The following FAM13A variants were observed in gnomAD, a reference collection of about 807,000 sequenced individuals.
FAM13A encodes the protein protein FAM13A.
A neutral mutation model predicts 129.6 loss-of-function variants in FAM13A; 76 were observed. That is an observed-to-expected ratio of 0.59 (90% confidence interval 0.49 to 0.71). The LOEUF is 0.71. Among genes scored for constraint, FAM13A ranks in the 30% least tolerant of loss-of-function variants. The pLI is 0.00. For synonymous variants in FAM13A, 443 were observed against 449.9 expected (o/e 0.98, Z 0.20); for missense variants, 1,108 against 1,249.3 (o/e 0.89, Z 1.70).
At chr4:88,814,196 A>T (rs1308511310) in intron 7 of FAM13A, among the ~76,000 whole-genome samples, 1 of 152,210 alleles carries the variant, frequency 6.6e-6, no homozygotes, top group Non-Finnish European at 1.5e-5. Flanking sequence ...GCTGAAGGCC[A>T]TAGAGGCAGT....
rs141803474 is a variant in FAM13A at position 88,991,152 on chromosome 4, T to C, written c.428-2A>G. On this transcript the variant is annotated splice_acceptor_variant, in intron 3 of 23. Transcript: ENST00000264344. LOFTEE classifies it high-confidence loss of function. ...TCTCCTGAACATCATTTCTGCCATC[T>C]GGAAAAAAAAAGAATAAAAATGTTC... The C allele has an allele frequency of 1.1e-3, 1,698 of 1,603,802 alleles. 10 individuals are homozygous for C. The highest frequency in any genetic ancestry group is 6.0e-4 in the Non-Finnish European group (703 of 1,175,418).
intron 7 of FAM13A, among the ~76,000 whole-genome samples, chr4:88,845,206 T>C (rs925467016): frequency 2.2e-4 from 33 of 151,254 alleles, no homozygotes; most frequent in Non-Finnish European, 4.4e-4. Context: ...TGACAAGGCT[T>C]GGTGACTGAT....
chr4:89,049,658 C>T (rs979040157), intron 1 of FAM13A, among the ~76,000 whole-genome samples: 5 of 152,056 alleles, frequency 3.3e-5, no homozygotes, highest in Admixed American at 6.6e-5. Flanking sequence ...TATTGTATTA[C>T]TATTTTGTTT....
At chr4:88,988,449 T>A (rs1404586825) in intron 4 of FAM13A, among the ~76,000 whole-genome samples, 1 of 152,224 alleles carries the variant, frequency 6.6e-6, no homozygotes, top group African/African-American at 2.4e-5. Flanking sequence ...AATTCCTCAT[T>A]TTTAAGGATG....
At chr4:88,737,742 A>G in intron 20 of FAM13A, 187 bp from the exon 21 acceptor site, 1 of 607,654 alleles carries the variant, frequency 1.6e-6, no homozygotes, top group Admixed American at 2.9e-5. Context: ...GCTTCCCTTC[A>G]GCGCCCACAC....
At chr4:88,942,784 G>GA (rs915509239) in intron 4 of FAM13A, among the ~76,000 whole-genome samples, 2 of 151,652 alleles carry the variant, frequency 1.3e-5, no homozygotes, top group African/African-American at 2.4e-5. Context: ...TATTTTCTTT[G>GA]AAAAAAATAG....
intron 6 of FAM13A, among the ~76,000 whole-genome samples, chr4:88,885,808 CA>C (rs60733033): frequency 0.31 from 39,355 of 125,240 alleles, 5,512 homozygotes; most frequent in Middle Eastern, 0.4. Flanking sequence ...AACAAATTAG[CA>C]AAAAAAAAAA....
chr4:89,025,245 GTTTTTT>G (rs56710705), intron 2 of FAM13A, among the ~76,000 whole-genome samples: 5 of 61,372 alleles, frequency 8.1e-5, no homozygotes, highest in South Asian at 7.7e-4. Flanking sequence ...TGGAATCATT[GTTTTTT>G]TTTTTTTTTT....
chr4:88,850,934 C>A, intron 7 of FAM13A, 86 bp downstream of exon 7: 1 of 1,195,274 alleles, frequency 8.4e-7, no homozygotes, highest in South Asian at 1.4e-5. Flanking sequence ...AGTGGCAGAT[C>A]AATGCAGAAA....
chr4:88,741,446 CAGTT>C (rs749067692), intron 19 of FAM13A, among the ~76,000 whole-genome samples: 23 of 152,168 alleles, frequency 1.5e-4, no homozygotes, highest in Non-Finnish European at 2.5e-4. Context: ...AAAATCCACA[CAGTT>C]AGATGATAGT....
intron 3 of FAM13A, among the ~76,000 whole-genome samples, chr4:89,001,997 C>A (rs1247924044): frequency 6.6e-6 from 1 of 151,722 alleles, no homozygotes; most frequent in African/African-American, 2.4e-5. Flanking sequence ...GTTTGCACAG[C>A]TGCTATTATA....
At chr4:88,818,370 A>C (rs1272654452) in intron 7 of FAM13A, among the ~76,000 whole-genome samples, 2 of 152,176 alleles carry the variant, frequency 1.3e-5, no homozygotes. Context: ...CATCTCTTAC[A>C]GACAATGAAA....
intron 8 of FAM13A, among the ~76,000 whole-genome samples, chr4:88,804,320 A>G (rs1235586681): frequency 6.6e-6 from 1 of 152,138 alleles, no homozygotes; most frequent in African/African-American, 2.4e-5. Context: ...TTAAAAAACA[A>G]ACATCAGCAT....
chr4:88,969,766 C>T (rs1201492587), intron 4 of FAM13A, among the ~76,000 whole-genome samples: 5 of 152,164 alleles, frequency 3.3e-5, no homozygotes, highest in Non-Finnish European at 7.4e-5. Flanking sequence ...TATTACTTTA[C>T]TTATTACAGA....
intron 6 of FAM13A, among the ~76,000 whole-genome samples, chr4:88,857,953 T>C (rs1738834956): frequency 6.6e-6 from 1 of 152,238 alleles, no homozygotes. Context: ...AATCAGCTGA[T>C]ACTATAAAAT....
intron 13 of FAM13A, among the ~76,000 whole-genome samples, chr4:88,761,832 T>C (rs540073467): frequency 6.6e-6 from 1 of 152,274 alleles, no homozygotes; most frequent in South Asian, 2.1e-4. Context: ...AAAGAAATGA[T>C]TTTTCAGTAC....
chr4:88,795,729 G>C (rs1051246415), intron 8 of FAM13A, among the ~76,000 whole-genome samples: 3 of 151,624 alleles, frequency 2.0e-5, no homozygotes, highest in African/African-American at 7.2e-5. Context: ...TATACCTCTA[G>C]TTATTTCATT....
chr4:88,872,756 A>T (rs909966395), intron 6 of FAM13A, among the ~76,000 whole-genome samples: 2 of 152,202 alleles, frequency 1.3e-5, no homozygotes, highest in Admixed American at 6.5e-5. Flanking sequence ...AAGGATATCC[A>T]GGACTTGAAC....
chr4:88,769,840 C>A (rs1560944188), intron 11 of FAM13A, among the ~76,000 whole-genome samples: 2 of 150,702 alleles, frequency 1.3e-5, no homozygotes, highest in South Asian at 2.1e-4. Context: ...AAAAAAAAAA[C>A]CAAAAAACAA....
Sources: gnomAD v4.1 joint callset for allele counts (sites outside exome capture counted in the v4.1 genomes callset) on GRCh38, gnomAD v4.1.1 for gene constraint, MANE v1.5 for transcripts, NCBI Gene and HGNC (gene_info 2026-07-23, HGNC 2026-07-21) for gene names.